The following KIF26B variants were observed in gnomAD, a reference collection of about 807,000 sequenced individuals.
The protein encoded by KIF26B is kinesin family member 26B.
KIF26B carries 63 observed loss-of-function variants against 151.2 expected under a neutral mutation model. The observed-to-expected ratio is 0.42, with a 90% CI of 0.34 to 0.51. The LOEUF is 0.51. KIF26B is among the 20% of genes least tolerant of loss of function. The pLI, the probability that KIF26B is intolerant of heterozygous loss-of-function variation, is 0.07. For synonymous variants in KIF26B, 1,357 were observed against 1,262.1 expected (o/e 1.08, Z -1.59); for missense variants, 2,813 against 2,913.6 (o/e 0.97, Z 0.79).
intron 2 of KIF26B, among the ~76,000 whole-genome samples, chr1:245,212,478 CAA>C (rs1470713713): frequency 6.6e-6 from 1 of 152,020 alleles, no homozygotes; most frequent in East Asian, 1.9e-4. Flanking sequence ...CACATTGACA[CAA>C]GAGATGTGAT....
In KIF26B at chr1:245,686,123, G is replaced by A. The variant is rs374769676; in HGVS notation, c.3140G>A (p.Arg1047Gln). 2.2e-5 allele frequency: 36 copies of A among 1,610,940 alleles called. No homozygotes were observed. The African/African-American group carries it at 2.8e-4, about 13-fold the overall frequency. Residue 1047 changes from arginine to glutamine, a missense_variant, in exon 12 of 15, where the codon CGG becomes CAG. Physicochemically the swap from Arg to Gln is conservative, Grantham distance 43. Coordinates refer to ENST00000407071, the MANE Select transcript of KIF26B (RefSeq NM_018012.4). The surrounding 1 kb of genome is among the most constrained non-coding windows in gnomAD (Gnocchi z 5.6). The stretch of plus-strand genomic sequence containing the variant: ...CAGAGCCCCAGCCTCCAGAGCAGCC[G>A]GGAGAGCCTCAACTCCTGCGGCTTC... ...LVQSPSLQSS[R>Q]ESLNSCGFVE...
At chr1:245,303,748 T>C (rs1284224894) in intron 2 of KIF26B, among the ~76,000 whole-genome samples, 1 of 152,340 alleles carries the variant, frequency 6.6e-6, no homozygotes, top group Non-Finnish European at 1.5e-5. Flanking sequence ...GAGCAAACAC[T>C]GATAAAATAT....
At chr1:245,392,362 A>G (rs819876) in intron 3 of KIF26B, among the ~76,000 whole-genome samples, 63,667 of 152,148 alleles carry the variant, frequency 0.42, 15,387 homozygotes, top group South Asian at 0.63. Flanking sequence ...CTCTGAGTAC[A>G]TAGAGGCTGT....
intron 9 of KIF26B, among the ~76,000 whole-genome samples, chr1:245,639,312 T>C (rs2043863880): frequency 6.6e-6 from 1 of 151,928 alleles, no homozygotes; most frequent in Admixed American, 6.6e-5. Flanking sequence ...GTAGTATCAG[T>C]TGTAATGTCA....
At chr1:245,527,700 A>G (rs950183709) in intron 4 of KIF26B, among the ~76,000 whole-genome samples, 3 of 150,964 alleles carry the variant, frequency 2.0e-5, no homozygotes, top group African/African-American at 7.3e-5. Context: ...CGCCCGGCTA[A>G]TTTTTTGTAT....
chr1:245,419,833 A>G (rs1658433320), intron 4 of KIF26B, 88 bp downstream of exon 4: 1 of 1,258,196 alleles, frequency 7.9e-7, no homozygotes, highest in East Asian at 2.4e-5. Context: ...AAACACTAGA[A>G]AGAGTTTGGG....
At chr1:245,557,075 C>T (rs1237799416) in intron 5 of KIF26B, among the ~76,000 whole-genome samples, 2 of 152,234 alleles carry the variant, frequency 1.3e-5, no homozygotes, top group African/African-American at 4.8e-5. Context: ...GAACACTCAC[C>T]TAACACCTCC....
intron 10 of KIF26B, among the ~76,000 whole-genome samples, chr1:245,681,427 T>TCTTGA (rs1430872564): frequency 6.6e-6 from 1 of 152,110 alleles, no homozygotes; most frequent in Non-Finnish European, 1.5e-5. Flanking sequence ...GCCAGGATGT[T>TCTTGA]CTTGATCTCC....
chr1:245,488,990 C>T lies in KIF26B; in HGVS notation c.1167-51777C>T, dbSNP rs1660340456. Among the ~76,000 whole-genome samples the T allele has an allele frequency of 6.6e-6, 1 of 152,206 alleles. No individual in the cohort carries two copies. The highest frequency in any genetic ancestry group is 6.5e-5 in the Admixed American group (1 of 15,282). ...CCTGCACCCTCCATCTCAGAGAACTCTCTAGGCTCCGGTACTCTAGAATCC... is the reference window on the plus strand; with the variant it reads ...CCTGCACCCTCCATCTCAGAGAACTTTCTAGGCTCCGGTACTCTAGAATCC... On this transcript the variant is annotated intron_variant, in intron 4 of 14. Coordinates refer to ENST00000407071, the MANE Select transcript of KIF26B (RefSeq NM_018012.4). This position sits in a 1 kb window ranked among gnomAD's most constrained non-coding sequence, Gnocchi z 4.6.
In KIF26B at chr1:245,576,988, A is replaced by G. The variant is rs2103126501; in HGVS notation, c.1351-25589A>G. On this transcript the variant is annotated intron_variant, in intron 5 of 14. Coordinates refer to ENST00000407071, the MANE Select transcript of KIF26B (RefSeq NM_018012.4). ...TAAGAGCTACTGTCATTTCACTTAT[A>G]TACTTTGGGAGATTCATTTTTGCTT... 2.0e-5 allele frequency among the ~76,000 whole-genome samples: 3 copies of G among 152,310 alleles called. 1 individual carries two copies. Among genetic ancestry groups the G allele is most frequent in the Middle Eastern group, 3.4e-3 (1 of 294 alleles).
intron 4 of KIF26B, among the ~76,000 whole-genome samples, chr1:245,532,475 G>A (rs933416748): frequency 5.3e-5 from 8 of 151,858 alleles, no homozygotes; most frequent in Non-Finnish European, 8.8e-5. Flanking sequence ...TCGATCTCCC[G>A]ACCTCGTGAT....
rs375497246 is a variant in KIF26B at position 245,698,848 on chromosome 1, G to C, written c.6028-39G>C. The C allele has an allele frequency of 2.7e-5, 43 of 1,599,134 alleles. No individual in the cohort carries two copies. Among genetic ancestry groups the C allele is most frequent in the Non-Finnish European group, 3.6e-5 (42 of 1,170,420 alleles). On this transcript the variant is annotated intron_variant, in intron 13 of 14. Transcript: ENST00000407071. This position sits in a 1 kb window ranked among gnomAD's most constrained non-coding sequence, Gnocchi z 4.0. ...TGCTCCTGTGGTGTGGGCTGGGTGTGAGCAGAAGGGCCCTTTCTCCTCTCT... is the reference window on the plus strand; with the variant it reads ...TGCTCCTGTGGTGTGGGCTGGGTGTCAGCAGAAGGGCCCTTTCTCCTCTCT...
intron 1 of KIF26B, among the ~76,000 whole-genome samples, 181 bp from the exon 2 acceptor site, chr1:245,156,101 C>T (rs1668426474): frequency 6.6e-6 from 1 of 152,140 alleles, no homozygotes; most frequent in Non-Finnish European, 1.5e-5. Flanking sequence ...GCGGTGGGGA[C>T]TCACTTAAGG....
intron 2 of KIF26B, among the ~76,000 whole-genome samples, chr1:245,209,723 A>G (rs935909759): frequency 1.3e-5 from 2 of 152,222 alleles, no homozygotes; most frequent in African/African-American, 2.4e-5. Flanking sequence ...CAAGGTGCCT[A>G]TGGCTTTGAC....
intron 12 of KIF26B, among the ~76,000 whole-genome samples, chr1:245,689,134 G>C (rs2044587202): frequency 6.6e-6 from 1 of 152,234 alleles, no homozygotes; most frequent in African/African-American, 2.4e-5. Flanking sequence ...GCTCAGCAGG[G>C]TGGAAAGGCG....
At chr1:245,501,310 C>T (rs746423085) in intron 4 of KIF26B, among the ~76,000 whole-genome samples, 2 of 152,060 alleles carry the variant, frequency 1.3e-5, no homozygotes, top group Non-Finnish European at 2.9e-5. Flanking sequence ...AATAGTGTTG[C>T]GGATGTCACA....
At chr1:245,297,153 G>A (rs1056531435) in intron 2 of KIF26B, among the ~76,000 whole-genome samples, 6 of 152,146 alleles carry the variant, frequency 3.9e-5, no homozygotes, top group Non-Finnish European at 8.8e-5. Flanking sequence ...GACCAGCCTG[G>A]CCAACATGGT....
At chr1:245,280,565 T>A (rs1285213335) in intron 2 of KIF26B, among the ~76,000 whole-genome samples, 5 of 139,906 alleles carry the variant, frequency 3.6e-5, no homozygotes, top group Admixed American at 7.1e-5. Context: ...TTTAGGCAGA[T>A]AAAGAGGAAA....
chr1:245,174,363 C>T (rs756212853), intron 2 of KIF26B, among the ~76,000 whole-genome samples: 1 of 151,768 alleles, frequency 6.6e-6, no homozygotes, highest in Admixed American at 6.6e-5. Context: ...CCAGATGTGG[C>T]GTGGTGTCTC....
Sources: gnomAD v4.1 joint callset for allele counts (sites outside exome capture counted in the v4.1 genomes callset) on GRCh38, gnomAD v4.1.1 for gene constraint, Gnocchi (gnomAD v3.1) non-coding constraint, MANE v1.5 for transcripts, NCBI Gene and HGNC (gene_info 2026-07-23, HGNC 2026-07-21) for gene names.